The following PBX1 variants were observed in gnomAD, a reference collection of about 807,000 sequenced individuals.
PBX1 encodes pre-B-cell leukemia transcription factor 1.
Under a neutral mutation model 53.4 loss-of-function variants are expected in PBX1, and 6 were observed. The ratio of observed to expected loss-of-function variants is 0.11; its 90% CI spans 0.06 to 0.22. The LOEUF is 0.22. Among genes scored for constraint, PBX1 ranks in the 10% least tolerant of loss-of-function variants. The pLI is 1.00. For synonymous variants in PBX1, 204 were observed against 212.3 expected, an observed-to-expected ratio of 0.96 and a Z score of 0.34; for missense variants, 251 against 551.4, an observed-to-expected ratio of 0.46 and a Z score of 5.46.
chr1:164,567,788 T>A (rs1653540998), intron 2 of PBX1, among the ~76,000 whole-genome samples: 1 of 152,140 alleles, frequency 6.6e-6, no homozygotes, highest in Admixed American at 6.6e-5. Flanking sequence ...AGAATGAGAA[T>A]TTGGGAAATT....
At chr1:164,828,642 C>G (rs1043426539) in intron 8 of PBX1, 4 of 151,980 alleles carry the variant, frequency 2.6e-5, no homozygotes, top group African/African-American at 7.3e-5. Flanking sequence ...CCTCCTTCTG[C>G]TCTGTGGAGA....
At chr1:164,594,530 C>G (rs1655623660) in intron 2 of PBX1, among the ~76,000 whole-genome samples, 1 of 152,152 alleles carries the variant, frequency 6.6e-6, no homozygotes, top group Non-Finnish European at 1.5e-5. Flanking sequence ...ATCCTCCTGC[C>G]TTGGCCTCCC....
intron 5 of PBX1, among the ~76,000 whole-genome samples, chr1:164,809,430 G>C (rs1669503192): frequency 6.6e-6 from 1 of 152,066 alleles, no homozygotes. Flanking sequence ...TCTCCCCAAA[G>C]CAACTAAGCT....
At chr1:164,666,354 T>C (rs1660808425) in intron 2 of PBX1, among the ~76,000 whole-genome samples, 2 of 152,216 alleles carry the variant, frequency 1.3e-5, no homozygotes, top group African/African-American at 4.8e-5. Flanking sequence ...TCCATTATTA[T>C]TATTATTCTT....
intron 2 of PBX1, chr1:164,682,331 T>C (rs1661825682): frequency 6.6e-6 from 1 of 152,168 alleles, no homozygotes; most frequent in Non-Finnish European, 1.5e-5. Flanking sequence ...AAAGCCTGGT[T>C]TTGGTACAGC....
intron 2 of PBX1, among the ~76,000 whole-genome samples, chr1:164,648,538 A>G (rs1659600529): frequency 6.6e-6 from 1 of 152,194 alleles, no homozygotes; most frequent in South Asian, 2.1e-4. Context: ...CCCATTTTAC[A>G]GAGAAGGACA....
intron 2 of PBX1, among the ~76,000 whole-genome samples, chr1:164,566,798 G>C (rs1273394498): frequency 5.9e-5 from 9 of 152,174 alleles, no homozygotes. Flanking sequence ...GCAATGAATA[G>C]CTGCAATTGT....
In PBX1 at chr1:164,799,848, C is replaced by T. The variant is rs763332823; in HGVS notation, c.660C>T (p.Cys220=). Residue 220 remains cysteine, a synonymous_variant, in exon 4 of 9, where the codon TGC becomes TGT. Coordinates refer to ENST00000420696, the MANE Select transcript of PBX1 (RefSeq NM_002585.4). ...AGATGCAGCTCAAGCAGAGCACGTG[C>T]GAGGCGGTGATGATCCTGCGTTCCC... is the stretch of plus-strand genomic sequence containing the variant. The part of the protein sequence containing the change: ...SIQMQLKQST[C]EAVMILRSRF... 8.7e-6 allele frequency: 14 copies of T among 1,613,738 alleles called. No homozygotes were observed. In the African/African-American group the frequency reaches 1.6e-4, roughly 18 times the overall value.
At chr1:164,682,819 T>G (rs967108399) in intron 2 of PBX1, 1 of 152,232 alleles carries the variant, frequency 6.6e-6, no homozygotes, top group Non-Finnish European at 1.5e-5. Flanking sequence ...AAACAACTTG[T>G]GCCGACGGAA....
intron 8 of PBX1, among the ~76,000 whole-genome samples, chr1:164,834,596 C>CA (rs1404227512): frequency 6.6e-6 from 1 of 152,172 alleles, no homozygotes; most frequent in Non-Finnish European, 1.5e-5. Context: ...CCACCCACTT[C>CA]AGTCTCCCAA....
intron 2 of PBX1, chr1:164,770,877 G>A (rs1667331859): frequency 1.3e-5 from 2 of 152,198 alleles, no homozygotes; most frequent in Non-Finnish European, 2.9e-5. Flanking sequence ...TCATTCCAAA[G>A]ACTGCTGCTT....
At chr1:164,659,406 C>G (rs1343536897) in intron 2 of PBX1, among the ~76,000 whole-genome samples, 2 of 152,192 alleles carry the variant, frequency 1.3e-5, no homozygotes, top group Non-Finnish European at 2.9e-5. Context: ...ATGTAACTCT[C>G]CTCCCTCTAT....
At position 164,564,243 on chromosome 1, in the gene PBX1, A is replaced by G. The variant is rs140664899; in HGVS notation, c.265+932A>G. 9.9e-5 allele frequency among the ~76,000 whole-genome samples: 15 copies of G among 152,260 alleles called. No individual in the cohort carries two copies. In the East Asian group the frequency reaches 2.9e-3, roughly 29 times the overall value. Reference sequence around the variant, plus strand: ...TACCCGCTCGCTTTAGAGCAGTGCAAAGTACCTGACATCCTATTTATTTAT... The same window carrying G: ...TACCCGCTCGCTTTAGAGCAGTGCAGAGTACCTGACATCCTATTTATTTAT... On this transcript the variant is annotated intron_variant, in intron 2 of 8. Coordinates refer to ENST00000420696, the MANE Select transcript of PBX1 (RefSeq NM_002585.4).
chr1:164,590,795 T>TA (rs909410063), intron 2 of PBX1, among the ~76,000 whole-genome samples: 357 of 149,812 alleles, frequency 2.4e-3, no homozygotes, highest in African/African-American at 6.8e-3. Context: ...TTCAGGATAT[T>TA]AAAAAAAAAA....
intron 2 of PBX1, among the ~76,000 whole-genome samples, chr1:164,756,611 C>A (rs540820810): frequency 6.6e-6 from 1 of 152,082 alleles, no homozygotes; most frequent in African/African-American, 2.4e-5. Context: ...AGAATGGAAG[C>A]CTATATCATG....
chr1:164,664,903 C>A (rs549156393), intron 2 of PBX1, among the ~76,000 whole-genome samples: 2 of 48,990 alleles, frequency 4.1e-5, no homozygotes, highest in Non-Finnish European at 1.6e-4. Context: ...CCCACTGAGT[C>A]CCTCCCACAA....
intron 2 of PBX1, among the ~76,000 whole-genome samples, chr1:164,703,625 G>A (rs1663259424): frequency 6.6e-6 from 1 of 152,198 alleles, no homozygotes; most frequent in Admixed American, 6.5e-5. Context: ...GACAGCTTGG[G>A]TGTCTGCCCC....
intron 2 of PBX1, among the ~76,000 whole-genome samples, chr1:164,737,905 C>T (rs559297194): frequency 2.0e-5 from 3 of 152,308 alleles, no homozygotes; most frequent in South Asian, 2.1e-4. Context: ...TCCCCCCAAC[C>T]GGTGCCTGGC....
At chr1:164,634,844 G>A (rs969885119) in intron 2 of PBX1, among the ~76,000 whole-genome samples, 9 of 152,102 alleles carry the variant, frequency 5.9e-5, no homozygotes, top group Non-Finnish European at 1.2e-4. Flanking sequence ...TTTGAGGGTG[G>A]GGCCTTTTGG....
Sources: gnomAD v4.1 joint callset for allele counts (sites outside exome capture counted in the v4.1 genomes callset) on GRCh38, gnomAD v4.1.1 for gene constraint, MANE v1.5 for transcripts, NCBI Gene and HGNC (gene_info 2026-07-23, HGNC 2026-07-21) for gene names.